The following PARP16 variants were observed in gnomAD, a reference collection of about 807,000 sequenced individuals.
PARP16 encodes protein mono-ADP-ribosyltransferase PARP16.
Under a neutral mutation model 35.0 loss-of-function variants are expected in PARP16, and 31 were observed. That is an observed-to-expected ratio of 0.88 (90% confidence interval 0.66 to 1.19). The LOEUF (loss-of-function observed/expected upper bound fraction) is 1.19, where lower values mean the gene tolerates loss of function less well. Among genes scored for constraint, PARP16 ranks in the 50% most tolerant of loss-of-function variants. The pLI is 0.00. For missense variants in PARP16, 424 were observed against 411.2 expected (o/e 1.03, Z -0.27); for synonymous variants, 162 against 169.5 (o/e 0.96, Z 0.34).
intron 2 of PARP16, among the ~76,000 whole-genome samples, chr15:65,252,469 C>G (rs1313631209): frequency 1.3e-5 from 2 of 152,218 alleles, no homozygotes; most frequent in African/African-American, 4.8e-5. Flanking sequence ...TTAAAGCAGC[C>G]TGCGATCCAT....
intron 3 of PARP16, among the ~76,000 whole-genome samples, chr15:65,264,504 T>C (rs1315960223): frequency 1.3e-5 from 2 of 152,216 alleles, no homozygotes; most frequent in Non-Finnish European, 2.9e-5. Flanking sequence ...TCCAAAATCC[T>C]AAATCTGTTA....
Position 65,286,273 on chromosome 15 carries a change from A to G in PARP16, c.154T>C (p.Cys52Arg), listed in dbSNP as rs886247700. ...CTCACCAGGGCTTCAAAGTCCTTACAGTCGCCGCGGGCGTAGGACGCGGGG... is the reference window on the plus strand; with the variant it reads ...CTCACCAGGGCTTCAAAGTCCTTACGGTCGCCGCGGGCGTAGGACGCGGGG... ...PFPASYARGD[C>R]KDFEALLADA... The change falls in exon 1 of 6, where the codon TGT (cysteine) becomes CGT (arginine). Residue 52 changes from cysteine to arginine, a missense_variant. By Grantham distance (180) the Cys-to-Arg change is radical. Coordinates refer to ENST00000649807, the MANE Select transcript of PARP16 (RefSeq NM_001316943.2). 1.3e-6 allele frequency: 2 copies of G among 1,591,330 alleles called. No individual in the cohort carries two copies. The highest frequency in any genetic ancestry group is 1.7e-6 in the Non-Finnish European group (2 of 1,171,066).
chr15:65,233,146 G>T (rs1489919654), downstream of PARP16, among the ~76,000 whole-genome samples: 3 of 152,232 alleles, frequency 2.0e-5, no homozygotes, highest in Non-Finnish European at 4.4e-5. Context: ...AGGTGCGGTG[G>T]CTCACGCCTG....
downstream of PARP16, among the ~76,000 whole-genome samples, chr15:65,233,514 A>G (rs1207344839): frequency 1.3e-5 from 2 of 152,208 alleles, no homozygotes; most frequent in African/African-American, 4.8e-5. Flanking sequence ...CAGGGCAGGC[A>G]GATCACTTGA....
At chr15:65,240,323 A>AGG (rs2089030190) in intron 3 of PARP16, among the ~76,000 whole-genome samples, 2 of 126,080 alleles carry the variant, frequency 1.6e-5, no homozygotes, top group Non-Finnish European at 1.6e-5. Context: ...GGGGGGGGCT[A>AGG]GTGTGTGTGT....
At position 65,280,462 on chromosome 15, in the gene PARP16, C is replaced by T. The variant is rs550511037; in HGVS notation, c.174+5791G>A. Among the ~76,000 whole-genome samples, 8 of 150,694 alleles carry T rather than the reference C, an allele frequency of 5.3e-5. No homozygotes were observed. The South Asian group carries it at 1.5e-3, about 28-fold the overall frequency. ...AAAAAAAAAAAAAAAAAAAATTAGC[C>T]ATGGACCAGCAATTTCACCTCTCAG... On this transcript the variant is annotated intron_variant, in intron 1 of 5. Coordinates refer to ENST00000649807, the MANE Select transcript of PARP16 (RefSeq NM_001316943.2).
At chr15:65,245,187 G>A (rs1372749652) in intron 3 of PARP16, among the ~76,000 whole-genome samples, 1 of 152,226 alleles carries the variant, frequency 6.6e-6, no homozygotes, top group African/African-American at 2.4e-5. Flanking sequence ...CAAGGCTCAG[G>A]AAGAGCCTGT....
chr15:65,240,576 G>T (rs965138294), intron 3 of PARP16, among the ~76,000 whole-genome samples: 1 of 151,996 alleles, frequency 6.6e-6, no homozygotes, highest in East Asian at 1.9e-4. Context: ...CATGTTCATT[G>T]TATCAGTATT....
chr15:65,243,646 AT>A (rs1383035983), intron 3 of PARP16, among the ~76,000 whole-genome samples: 1 of 152,174 alleles, frequency 6.6e-6, no homozygotes, highest in African/African-American at 2.4e-5. Flanking sequence ...GGAAGATTTT[AT>A]ATCAAGTTGG....
chr15:65,248,036 C>T (rs1016536594), intron 3 of PARP16: 13 of 390,688 alleles, frequency 3.3e-5, no homozygotes, highest in Non-Finnish European at 4.6e-5. Flanking sequence ...GATCTCCTGA[C>T]CTTGTGATCC....
intron 3 of PARP16, among the ~76,000 whole-genome samples, chr15:65,247,404 C>A (rs2089237988): frequency 1.3e-5 from 2 of 152,220 alleles, no homozygotes; most frequent in African/African-American, 4.8e-5. Context: ...GGGATTCAAA[C>A]TGAGTTCTGT....
chr15:65,269,432 A>C (rs1319095595), intron 2 of PARP16, among the ~76,000 whole-genome samples: 1 of 151,800 alleles, frequency 6.6e-6, no homozygotes, highest in Non-Finnish European at 1.5e-5. Context: ...TCCTGACCTC[A>C]TGATCCGCCC....
Position 65,244,405 on chromosome 15 carries a change from C to T in PARP16, c.*97+3712G>A, listed in dbSNP as rs540613299. Among the ~76,000 whole-genome samples the T allele has an allele frequency of 2.4e-4, 36 of 152,192 alleles. No individual in the cohort carries two copies. In the South Asian group the frequency reaches 3.5e-3, roughly 15 times the overall value. ...TGGCTTGGAGGCCTCACAATCATGG[C>T]GGAAGATGAAGGAAGAGCAAAGTCA... On this transcript the variant is annotated intron_variant and NMD_transcript_variant, in intron 3 of 3. Coordinates refer to the PARP16 transcript ENST00000559805.
chr15:65,281,210 G>C (rs1179606716), intron 1 of PARP16, among the ~76,000 whole-genome samples: 1 of 152,210 alleles, frequency 6.6e-6, no homozygotes, highest in Middle Eastern at 3.2e-3. Context: ...AAGTTCGGAG[G>C]CCAATGGTTA....
intron 5 of PARP16, among the ~76,000 whole-genome samples, chr15:65,260,315 C>T (rs1043911115): frequency 2.0e-5 from 3 of 152,178 alleles, no homozygotes; most frequent in Non-Finnish European, 2.9e-5. Flanking sequence ...TGGCCCCCAA[C>T]GCTGGTGAGC....
chr15:65,282,588 C>T (rs1187596795), intron 1 of PARP16: 1 of 152,202 alleles, frequency 6.6e-6, no homozygotes, highest in African/African-American at 2.4e-5. Flanking sequence ...CTACAGACAG[C>T]CAAGAATCTA....
intron 4 of PARP16, among the ~76,000 whole-genome samples, chr15:65,262,785 G>C (rs1400557326): frequency 6.6e-6 from 1 of 152,076 alleles, no homozygotes; most frequent in Non-Finnish European, 1.5e-5. Context: ...TACCTTCAAG[G>C]AGCCCACGCA....
At position 65,259,266 on chromosome 15, in the gene PARP16, A is replaced by G. The variant is rs1483086514; in HGVS notation, c.*141T>C. The G allele has an allele frequency of 9.2e-6, 7 of 760,218 alleles. No homozygotes were observed. Among genetic ancestry groups the G allele is most frequent in the Non-Finnish European group, 1.4e-5 (6 of 435,728 alleles). The allele number at this position is 760,218 out of a possible 1,614,324, so 47.1% of individuals were successfully genotyped here. A position where few individuals can be genotyped will look rare whatever the true frequency, so the allele number is the denominator to read the frequency against. On this transcript the variant is annotated 3_prime_UTR_variant, in exon 6 of 6. Coordinates refer to ENST00000649807, the MANE Select transcript of PARP16 (RefSeq NM_001316943.2). ...GAACATCATCAAAGGCAATGGATAC[A>G]TTTAGGCCATATGAAAATTGTCCTG...
chr15:65,233,392 A>T (rs1383712698), downstream of PARP16, among the ~76,000 whole-genome samples: 1 of 152,022 alleles, frequency 6.6e-6, no homozygotes, highest in East Asian at 1.9e-4. Flanking sequence ...ACAGATCGAG[A>T]CTCCGTCTCA....
Sources: allele counts gnomAD v4.1 joint callset (sites outside exome capture counted in the v4.1 genomes callset), GRCh38; gene constraint gnomAD v4.1.1; transcripts MANE v1.5; gene names NCBI Gene and HGNC (gene_info 2026-07-23, HGNC 2026-07-21).